Variants in SLC12A7 observed in about 807,000 individuals in gnomAD.
SLC12A7 encodes the protein solute carrier family 12 member 7, also known as K-Cl cotransporter 4.
Under a neutral mutation model 120.6 loss-of-function variants are expected in SLC12A7, and 100 were observed. The ratio of observed to expected loss-of-function variants is 0.83; its 90% CI spans 0.71 to 0.98. SLC12A7 has a LOEUF of 0.98. SLC12A7 is among the 50% of genes least tolerant of loss of function. The pLI is 0.00. For missense variants in SLC12A7, 1,373 were observed against 1,548.1 expected (o/e 0.89, Z 1.90); for synonymous variants, 760 against 678.0 (o/e 1.12, Z -1.88).
At chr5:1,067,662 G>A (rs937290593) in intron 17 of SLC12A7, among the ~76,000 whole-genome samples, 1 of 152,244 alleles carries the variant, frequency 6.6e-6, no homozygotes, top group African/African-American at 2.4e-5. Flanking sequence ...TCACCCCCAC[G>A]TGCTGGCTCC....
intron 1 of SLC12A7, among the ~76,000 whole-genome samples, chr5:1,106,548 C>G (rs987024881): frequency 2.0e-5 from 3 of 152,110 alleles, no homozygotes; most frequent in African/African-American, 7.2e-5. Flanking sequence ...AGACGCCATC[C>G]ATCCCTGGGG....
intron 1 of SLC12A7, among the ~76,000 whole-genome samples, chr5:1,100,624 C>T (rs1434868010): frequency 1.3e-5 from 2 of 152,260 alleles, no homozygotes; most frequent in Non-Finnish European, 2.9e-5. Flanking sequence ...GCGCCAAGTG[C>T]TGTTGACGCG....
the SLC12A7 span, among the ~76,000 whole-genome samples, chr5:1,143,329 G>T: frequency 6.6e-6 from 1 of 152,212 alleles, no homozygotes; most frequent in Non-Finnish European, 1.5e-5. Context: ...TTGTTCCCTC[G>T]CAGCCTGGGG....
At chr5:1,062,421 G>C (rs1736391413) in intron 20 of SLC12A7, among the ~76,000 whole-genome samples, 1 of 152,218 alleles carries the variant, frequency 6.6e-6, no homozygotes, top group African/African-American at 2.4e-5. Context: ...CGAAGACACA[G>C]CCACATGGAA....
chr5:1,110,851 C>T (rs1159283405), intron 1 of SLC12A7, among the ~76,000 whole-genome samples: 2 of 152,258 alleles, frequency 1.3e-5, no homozygotes, highest in Non-Finnish European at 2.9e-5. Context: ...CCCAGGCCAC[C>T]AGGCCACTGC....
the SLC12A7 span, among the ~76,000 whole-genome samples, chr5:1,122,964 G>A: frequency 2.6e-5 from 4 of 152,248 alleles, no homozygotes; most frequent in South Asian, 2.1e-4. Context: ...AGCTGGGGGC[G>A]TCGCCCTGGC....
intron 1 of SLC12A7, among the ~76,000 whole-genome samples, chr5:1,098,291 G>A (rs1427461616): frequency 9.5e-5 from 1 of 10,582 alleles, no homozygotes; most frequent in East Asian, 2.4e-3. Flanking sequence ...CCCTCTGCAA[G>A]CCCAGCCCCC....
At chr5:1,112,109 G>A, upstream of SLC12A7, 1 of 1,108,854 alleles carries the variant, frequency 9.0e-7, no homozygotes, top group Non-Finnish European at 1.1e-6. Flanking sequence ...CCCCGCCCGG[G>A]CCACGTGACT....
At chr5:1,117,797 C>T in the SLC12A7 span, among the ~76,000 whole-genome samples, 1 of 152,202 alleles carries the variant, frequency 6.6e-6, no homozygotes, top group Non-Finnish European at 1.5e-5. The surrounding 1 kb of genome is among the most constrained non-coding windows in gnomAD (Gnocchi z 4.5). Flanking sequence ...CCCTGCCGGG[C>T]GCGGTAGCTC....
chr5:1,151,643 G>T, the SLC12A7 span, among the ~76,000 whole-genome samples: 1 of 152,030 alleles, frequency 6.6e-6, no homozygotes, highest in South Asian at 2.1e-4. This position sits in a 1 kb window ranked among gnomAD's most constrained non-coding sequence, Gnocchi z 6.2. Flanking sequence ...GGTCCGACAG[G>T]CTGAGGGACC....
chr5:1,052,323 C>A lies in SLC12A7; in HGVS notation c.*37G>T, dbSNP rs1735125770. On this transcript the variant is annotated 3_prime_UTR_variant, in exon 24 of 24. Transcript: ENST00000264930. ...AGGCCCAGGCTGCCCACGCCGTCCT[C>A]CGTGCCTGTCCCAGAGTGCCGTGAT... The A allele has an allele frequency of 3.2e-6, 5 of 1,573,710 alleles. No homozygotes were observed. The highest frequency in any genetic ancestry group is 1.7e-6 in the Non-Finnish European group (2 of 1,144,600).
At chr5:1,115,889 G>GGGA (rs1421911065), upstream of SLC12A7, among the ~76,000 whole-genome samples, 98 of 152,166 alleles carry the variant, frequency 6.4e-4, 1 homozygote, top group African/African-American at 2.2e-3. Flanking sequence ...GGAGAGGGAA[G>GGGA]GGAGGCCCCA....
At chr5:1,132,835 C>T in the SLC12A7 span, among the ~76,000 whole-genome samples, 8 of 152,380 alleles carry the variant, frequency 5.3e-5, no homozygotes, top group East Asian at 1.2e-3. Flanking sequence ...CCGGATAAGA[C>T]ACGGGCACTC....
chr5:1,150,419 C>CCAGGTGAGGACCCA, the SLC12A7 span, among the ~76,000 whole-genome samples: 3 of 152,148 alleles, frequency 2.0e-5, no homozygotes, highest in South Asian at 2.1e-4. Context: ...AGCCCTGCAC[C>CCAGGTGAGGACCCA]AAGGCCCAAA....
At chr5:1,137,667 G>A in the SLC12A7 span, among the ~76,000 whole-genome samples, 4 of 152,206 alleles carry the variant, frequency 2.6e-5, no homozygotes, top group Non-Finnish European at 5.9e-5. Context: ...CCAGGACTTC[G>A]CACGGCTGTC....
chr5:1,085,544 C>T, intron 6 of SLC12A7, 71 bp from the exon 7 acceptor site: 1 of 1,495,610 alleles, frequency 6.7e-7, no homozygotes, highest in Non-Finnish European at 8.9e-7. Context: ...TCCCGCAAGC[C>T]CCCAGCGCCA....
Position 1,073,531 on chromosome 5 carries a change from A to G in SLC12A7, c.2241+102T>C, listed in dbSNP as rs1288211720. 1.7e-5 allele frequency: 22 copies of G among 1,301,508 alleles called. No homozygotes were observed. In the Admixed American group the frequency reaches 5.0e-4, roughly 30 times the overall value. 80.6% of individuals were successfully genotyped at this position (1,301,508 alleles called of 1,614,324 possible). A position where few individuals can be genotyped will look rare whatever the true frequency, so the allele number is the denominator to read the frequency against. ...CGGCTAAAACACAGCAGCGCCACGC[A>G]CAGCACCGTGTTGACACGCTGCGAT... On this transcript the variant is annotated intron_variant, in intron 17 of 23. Coordinates refer to ENST00000264930, the MANE Select transcript of SLC12A7 (RefSeq NM_006598.3).
At chr5:1,074,335 C>A (rs1399051093) in intron 16 of SLC12A7, among the ~76,000 whole-genome samples, 2 of 152,194 alleles carry the variant, frequency 1.3e-5, no homozygotes, top group African/African-American at 4.8e-5. Context: ...ACCCCAAGCC[C>A]AGGGCTGTGC....
Position 1,073,692 on chromosome 5 carries a change from C to G in SLC12A7, c.2182G>C (p.Gly728Arg). ...AGGTACGTCCCCTCCAGCACCGAGCCCACGATGGTCAGGCCCTTGCCGGCC... is the reference window on the plus strand; with the variant it reads ...AGGTACGTCCCCTCCAGCACCGAGCGCACGATGGTCAGGCCCTTGCCGGCC... ...LKAGKGLTIV[G>R]SVLEGTYLDK... The change falls in exon 17 of 24, where the codon GGC (glycine) becomes CGC (arginine). Residue 728 changes from glycine (G) to arginine (R), a missense_variant. Physicochemically the swap from Gly to Arg is moderately radical, Grantham distance 125. Coordinates refer to ENST00000264930, the MANE Select transcript of SLC12A7 (RefSeq NM_006598.3). The G allele has an allele frequency of 6.3e-7, 1 of 1,589,870 alleles. No individual in the cohort carries two copies. Among genetic ancestry groups the G allele is most frequent in the Non-Finnish European group, 8.6e-7 (1 of 1,167,604 alleles).
Sources: gnomAD v4.1 joint callset for allele counts (sites outside exome capture counted in the v4.1 genomes callset) on GRCh38, gnomAD v4.1.1 for gene constraint, Gnocchi (gnomAD v3.1) non-coding constraint, MANE v1.5 for transcripts, NCBI Gene and HGNC (gene_info 2026-07-23, HGNC 2026-07-21) for gene names.